Variants in RUNX1T1 observed in about 807,000 individuals in gnomAD.
RUNX1T1 encodes the protein RUNX1 partner transcriptional co-repressor 1.
In RUNX1T1, 4 loss-of-function variants were observed where a neutral mutation model predicts 62.8. The ratio of observed to expected loss-of-function variants is 0.06; its 90% confidence interval spans 0.03 to 0.15. The LOEUF is 0.15. RUNX1T1 is among the 10% of genes least tolerant of loss of function. RUNX1T1 has a pLI of 1.00. For synonymous variants in RUNX1T1, 291 were observed against 286.0 expected (o/e 1.02, Z -0.18); for missense variants, 508 against 754.3 (o/e 0.67, Z 3.82).
intron 7 of RUNX1T1, 124 bp downstream of exon 8, chr8:91,986,763 T>C: frequency 2.9e-6 from 2 of 691,112 alleles, no homozygotes; most frequent in Non-Finnish European, 5.1e-6. Context: ...CGCTCATTTT[T>C]TTTTCAAGGA....
At chr8:91,976,036 T>C in intron 8 of RUNX1T1, 63 bp from the exon 10 acceptor site, 2 of 1,180,650 alleles carry the variant, frequency 1.7e-6, no homozygotes, top group Non-Finnish European at 1.3e-6. Flanking sequence ...ACTTGTGTCA[T>C]CGCACAGAGT....
intron 1 of RUNX1T1, among the ~76,000 whole-genome samples, chr8:92,094,485 G>T (rs1301706691): frequency 6.6e-6 from 1 of 152,048 alleles, no homozygotes; most frequent in Non-Finnish European, 1.5e-5. Flanking sequence ...CAGACTTGTA[G>T]TGATTTTTTT....
chr8:91,986,171 C>T, exon 8 of RUNX1T1: 1 of 1,614,152 alleles, frequency 6.2e-7, no homozygotes, highest in Admixed American at 1.7e-5. Context: ...CCTAGAGTGG[C>T]TGCTGCTACT....
chr8:92,020,825 CTTT>C (rs372324370), intron 1 of RUNX1T1, among the ~76,000 whole-genome samples: 1 of 130,652 alleles, frequency 7.7e-6, no homozygotes, highest in Non-Finnish European at 1.7e-5. Flanking sequence ...TTCCCATTTC[CTTT>C]TTTTTTTTTT....
At chr8:92,035,505 T>C (rs1054269404) in intron 1 of RUNX1T1, among the ~76,000 whole-genome samples, 17 of 151,816 alleles carry the variant, frequency 1.1e-4, no homozygotes, top group Middle Eastern at 3.4e-3. Flanking sequence ...TAAAAAAAAA[T>C]TTTAAAGGCG....
chr8:91,969,833 G>A (rs1001204184), intron 10 of RUNX1T1, among the ~76,000 whole-genome samples: 7 of 152,088 alleles, frequency 4.6e-5, no homozygotes, highest in South Asian at 2.1e-4. Context: ...TTGTGAGTTC[G>A]GCTTGGTGAG....
intron 1 of RUNX1T1, among the ~76,000 whole-genome samples, chr8:92,034,801 C>CACGT (rs1827068374): frequency 8.8e-6 from 1 of 113,624 alleles, no homozygotes; most frequent in African/African-American, 3.4e-5. Context: ...CATATATACA[C>CACGT]ACACACACAC....
chr8:91,959,152 G>A (rs1809837805), exon 11 of RUNX1T1: 1 of 215,126 alleles, frequency 4.6e-6, no homozygotes. Context: ...GGACAGAAGT[G>A]TTTTAACACC....
At chr8:92,087,194 A>T (rs1267605680) in intron 1 of RUNX1T1, among the ~76,000 whole-genome samples, 1 of 152,192 alleles carries the variant, frequency 6.6e-6, no homozygotes, top group Admixed American at 6.5e-5. Context: ...CCCACCTCCC[A>T]ACCCTGAGGC....
At chr8:91,972,782 G>A (rs563521776) in intron 9 of RUNX1T1, among the ~76,000 whole-genome samples, 1 of 152,092 alleles carries the variant, frequency 6.6e-6, no homozygotes, top group African/African-American at 2.4e-5. Context: ...AAAGAGAATT[G>A]GTAGGACATT....
chr8:91,960,154 C>T (rs538025700), exon 11 of RUNX1T1: 1 of 1,379,880 alleles, frequency 7.2e-7, no homozygotes, highest in African/African-American at 1.4e-5. Context: ...AACAAACAAA[C>T]AAAAAAAACA....
rs1835205994 is a variant in RUNX1T1 at position 92,081,190 on chromosome 8, C to T, written c.-85-5053G>A. 8.9e-6 allele frequency: 5 copies of T among 564,196 alleles called. No individual in the cohort carries two copies. The South Asian group carries it at 3.9e-4, about 44-fold the overall frequency. The allele number at this position is 564,196 out of a possible 1,614,324, so 34.9% of individuals were successfully genotyped here. ...TCCAAAGTAAGATAATAACACCTAA[C>T]TTATCAGGATGATATGAGGAGATAA... On this transcript the variant is annotated intron_variant, in intron 1 of 11. Transcript: ENST00000265814.
intron 8 of RUNX1T1, among the ~76,000 whole-genome samples, chr8:91,984,832 G>A (rs1471873657): frequency 7.9e-5 from 12 of 151,884 alleles, no homozygotes; most frequent in Non-Finnish European, 1.3e-4. Flanking sequence ...TTCTGTTTTC[G>A]TTGCTTGCCT....
intron 1 of RUNX1T1, among the ~76,000 whole-genome samples, chr8:92,092,159 C>A (rs1031790605): frequency 6.6e-6 from 1 of 152,232 alleles, no homozygotes; most frequent in African/African-American, 2.4e-5. Context: ...TAGTTTAATT[C>A]TCTCTGCCCA....
chr8:91,994,822 C>A (rs1432754340), intron 5 of RUNX1T1, among the ~76,000 whole-genome samples: 1 of 152,164 alleles, frequency 6.6e-6, no homozygotes, highest in Non-Finnish European at 1.5e-5. Flanking sequence ...AAAAAGTCTG[C>A]GGCTAAAATC....
intron 1 of RUNX1T1, among the ~76,000 whole-genome samples, chr8:92,022,372 C>T (rs554196556): frequency 2.0e-5 from 3 of 152,248 alleles, no homozygotes; most frequent in East Asian, 1.9e-4. Flanking sequence ...TATAGAATGA[C>T]GTCTCACCTC....
At chr8:92,039,774 T>C (rs187846459) in intron 1 of RUNX1T1, among the ~76,000 whole-genome samples, 5 of 152,312 alleles carry the variant, frequency 3.3e-5, no homozygotes, top group Admixed American at 2.0e-4. Context: ...TAGACACCAC[T>C]GCTCACCATA....
At chr8:92,007,954 C>T (rs1395352906) in intron 4 of RUNX1T1, among the ~76,000 whole-genome samples, 2 of 120,492 alleles carry the variant, frequency 1.7e-5, no homozygotes, top group African/African-American at 3.3e-5. Context: ...GGTAACAGAG[C>T]GAGACTTTGT....
At chr8:92,033,968 C>CA (rs990551648) in intron 1 of RUNX1T1, among the ~76,000 whole-genome samples, 193 of 141,516 alleles carry the variant, frequency 1.4e-3, no homozygotes, top group African/African-American at 3.0e-3. Flanking sequence ...GACTCTGTCT[C>CA]AAAAAAAAAA....
Sources: gnomAD v4.1 joint callset for allele counts (sites outside exome capture counted in the v4.1 genomes callset) on GRCh38, gnomAD v4.1.1 for gene constraint, MANE v1.5 for transcripts, NCBI Gene and HGNC (gene_info 2026-07-23, HGNC 2026-07-21) for gene names.